The following ZFAT variants were observed in gnomAD, a reference collection of about 807,000 sequenced individuals.
The protein encoded by ZFAT is zinc finger protein ZFAT.
A neutral mutation model predicts 117.7 loss-of-function variants in ZFAT; 64 were observed. The observed-to-expected ratio is 0.54, with a 90% CI of 0.44 to 0.67. The LOEUF (loss-of-function observed/expected upper bound fraction) is 0.67, where lower values mean the gene tolerates loss of function less well. ZFAT is among the 30% of genes least tolerant of loss of function. The pLI is 0.00. For synonymous variants in ZFAT, 679 were observed against 615.0 expected (o/e 1.10, Z -1.54); for missense variants, 1,433 against 1,584.5 (o/e 0.90, Z 1.62).
chr8:134,821,501 C>T, the ZFAT span, among the ~76,000 whole-genome samples: 5 of 149,194 alleles, frequency 3.4e-5, no homozygotes, highest in Admixed American at 2.7e-4. Context: ...ATGAGTAGAG[C>T]GATATAGATG....
the ZFAT span, among the ~76,000 whole-genome samples, chr8:134,823,081 T>C: frequency 7.2e-5 from 11 of 152,328 alleles, no homozygotes; most frequent in African/African-American, 2.6e-4. Flanking sequence ...TCCTGCTCTG[T>C]TGTGGACACT....
At chr8:134,620,155 A>G (rs1052696050) in intron 3 of ZFAT, among the ~76,000 whole-genome samples, 1 of 152,188 alleles carries the variant, frequency 6.6e-6, no homozygotes, top group African/African-American at 2.4e-5. Flanking sequence ...GAGGTGTGAA[A>G]GGCTTACAGG....
At chr8:134,580,368 T>A (rs1825634597) in intron 10 of ZFAT, among the ~76,000 whole-genome samples, 1 of 152,144 alleles carries the variant, frequency 6.6e-6, no homozygotes, top group Non-Finnish European at 1.5e-5. Context: ...GGCTTCTAAG[T>A]AAAAAGCTAA....
chr8:134,530,650 G>A (rs941482427), intron 12 of ZFAT, among the ~76,000 whole-genome samples: 11 of 151,978 alleles, frequency 7.2e-5, no homozygotes, highest in South Asian at 4.2e-4. Flanking sequence ...ATGCATACAC[G>A]TACATATGCA....
rs1434106392 is a variant in ZFAT at position 134,509,725 on chromosome 8, ACG to A, written c.3384_3385del (p.Val1129GlufsTer8). The A allele has an allele frequency of 1.2e-6, 2 of 1,610,620 alleles. No homozygotes were observed. Among genetic ancestry groups the A allele is most frequent in the Non-Finnish European group, 1.7e-6 (2 of 1,178,888 alleles). On this transcript the variant is annotated frameshift_variant, in exon 15 of 16. Coordinates refer to ENST00000377838, the MANE Select transcript of ZFAT (RefSeq NM_020863.4). LOFTEE classifies it high-confidence loss of function. The stretch of plus-strand genomic sequence containing the variant: ...CTCAATGATCTGCTGCAGGATGTTC[ACG>A]GCCGTGGGGTCCAGTCGGTCGCCTT...
intron 2 of ZFAT, among the ~76,000 whole-genome samples, chr8:134,656,535 G>T (rs1385739341): frequency 6.6e-6 from 1 of 152,178 alleles, no homozygotes; most frequent in Non-Finnish European, 1.5e-5. Flanking sequence ...TCTTCTGTCA[G>T]GCATGTTTCT....
At position 134,620,797 on chromosome 8, in the gene ZFAT, G is replaced by A. The variant is rs557653594; in HGVS notation, c.449-10142C>T. Among the ~76,000 whole-genome samples the A allele has an allele frequency of 1.9e-4, 29 of 152,286 alleles. No individual in the cohort carries two copies. The South Asian group carries it at 5.8e-3, about 30-fold the overall frequency. On this transcript the variant is annotated intron_variant, in intron 3 of 15. Coordinates refer to ENST00000377838, the MANE Select transcript of ZFAT (RefSeq NM_020863.4). ...GGTTGAGTCCCTGGGCCTAGGCAGG[G>A]TGCTTGACAAAGAACAGCTGACAAG... is the stretch of plus-strand genomic sequence containing the variant.
intron 2 of ZFAT, among the ~76,000 whole-genome samples, chr8:134,646,946 C>A (rs1217218505): frequency 6.6e-6 from 1 of 152,128 alleles, no homozygotes; most frequent in Non-Finnish European, 1.5e-5. Flanking sequence ...CAGGTGGTTT[C>A]ACTGGTGAAC....
chr8:134,729,597 C>T, the ZFAT span, among the ~76,000 whole-genome samples: 19 of 152,164 alleles, frequency 1.2e-4, no homozygotes, highest in Non-Finnish European at 4.4e-5. Context: ...CCTCACCTCA[C>T]CATTCTACCA....
chr8:134,761,449 T>A, the ZFAT span, among the ~76,000 whole-genome samples: 1 of 151,640 alleles, frequency 6.6e-6, no homozygotes, highest in South Asian at 2.1e-4. Flanking sequence ...CACCTGTAAT[T>A]CCAGCACTTT....
At chr8:134,549,358 G>A (rs776260053) in intron 11 of ZFAT, among the ~76,000 whole-genome samples, 45 of 151,852 alleles carry the variant, frequency 3.0e-4, no homozygotes, top group Middle Eastern at 3.4e-3. Flanking sequence ...GGAGAATGGC[G>A]TGAACCTAGG....
intron 1 of ZFAT, among the ~76,000 whole-genome samples, chr8:134,660,512 C>T (rs980826732): frequency 6.6e-6 from 1 of 152,226 alleles, no homozygotes; most frequent in African/African-American, 2.4e-5. Flanking sequence ...GAGGTCCAGG[C>T]CCTGCCACAA....
At chr8:134,556,417 G>C (rs1823627405) in intron 11 of ZFAT, among the ~76,000 whole-genome samples, 1 of 151,980 alleles carries the variant, frequency 6.6e-6, no homozygotes, top group Non-Finnish European at 1.5e-5. Context: ...AAGGAAGAAA[G>C]AGATAATGGT....
At chr8:134,673,301 GT>G (rs1435838331) in intron 1 of ZFAT, 3 of 152,604 alleles carry the variant, frequency 2.0e-5, no homozygotes, top group Admixed American at 6.5e-5. Flanking sequence ...ACTGCTATCT[GT>G]GCAGAAAGAA....
At chr8:134,693,497 A>G (rs1402023785) in intron 1 of ZFAT, among the ~76,000 whole-genome samples, 1 of 152,176 alleles carries the variant, frequency 6.6e-6, no homozygotes, top group Admixed American at 6.6e-5. Flanking sequence ...AATAGTAACA[A>G]TGTGAGGTGC....
At chr8:134,513,157 C>T (rs997070249) in intron 13 of ZFAT, among the ~76,000 whole-genome samples, 6 of 151,306 alleles carry the variant, frequency 4.0e-5, no homozygotes, top group South Asian at 2.1e-4. Flanking sequence ...GGTCCCAGGT[C>T]CCAGCAGAGT....
At chr8:134,564,211 AAAAAG>A (rs1276464575) in intron 11 of ZFAT, among the ~76,000 whole-genome samples, 1 of 151,782 alleles carries the variant, frequency 6.6e-6, no homozygotes, top group African/African-American at 2.4e-5. Context: ...AAAAAAAAAA[AAAAAG>A]AGTATCTAGA....
chr8:134,548,029 T>C (rs2130675645), intron 11 of ZFAT, among the ~76,000 whole-genome samples: 1 of 152,342 alleles, frequency 6.6e-6, no homozygotes, highest in Admixed American at 6.5e-5. Flanking sequence ...ACAGAGGATC[T>C]GTTGAACGCT....
chr8:134,771,561 A>C, the ZFAT span, among the ~76,000 whole-genome samples: 13 of 152,288 alleles, frequency 8.5e-5, no homozygotes, highest in South Asian at 2.7e-3. Context: ...CCTGAATTTT[A>C]TTGTCCATAT....
Sources: allele counts gnomAD v4.1 joint callset (sites outside exome capture counted in the v4.1 genomes callset), GRCh38; gene constraint gnomAD v4.1.1; transcripts MANE v1.5; gene names NCBI Gene and HGNC (gene_info 2026-07-23, HGNC 2026-07-21).